TEX10: variants seen among roughly 807,000 people sequenced by gnomAD.
TEX10 encodes the protein testis-expressed protein 10.
A neutral mutation model predicts 104.4 loss-of-function variants in TEX10; 24 were observed. The ratio of observed to expected loss-of-function variants is 0.23; its 90% confidence interval spans 0.17 to 0.32. The LOEUF is 0.32. Among genes scored for constraint, TEX10 ranks in the 10% least tolerant of loss-of-function variants. TEX10 has a pLI of 1.00. For synonymous variants in TEX10, 396 were observed against 393.4 expected, an observed-to-expected ratio of 1.01 and a Z score of -0.08; for missense variants, 921 against 1,083.9, an observed-to-expected ratio of 0.85 and a Z score of 2.11.
chr9:100,346,678 C>T lies in TEX10; in HGVS notation c.893+16G>A. The T allele has an allele frequency of 3.1e-6, 5 of 1,591,432 alleles. No homozygotes were observed. Among genetic ancestry groups the T allele is most frequent in the Non-Finnish European group, 3.4e-6 (4 of 1,169,094 alleles). Reference sequence around the variant, plus strand: ...ATACAGCAAAACTGTGTGGACATAACTGAAATCCTTCTTACCGTAGCCTGA... The same window carrying T: ...ATACAGCAAAACTGTGTGGACATAATTGAAATCCTTCTTACCGTAGCCTGA... On this transcript the variant is annotated intron_variant, in intron 3 of 14. Transcript: ENST00000374902.
chr9:100,315,905 C>T (rs1050099374), intron 11 of TEX10, among the ~76,000 whole-genome samples: 6 of 152,132 alleles, frequency 3.9e-5, no homozygotes, highest in African/African-American at 1.4e-4. Flanking sequence ...ATGTATTCTC[C>T]CGAAGACTGC....
intron 9 of TEX10, among the ~76,000 whole-genome samples, chr9:100,324,039 T>G (rs576593118): frequency 6.6e-6 from 1 of 152,112 alleles, no homozygotes; most frequent in South Asian, 2.1e-4. Context: ...TAACCGTCAG[T>G]CTTTTTTTTT....
chr9:100,326,482 A>AG lies in TEX10; in HGVS notation c.1802-4dup. On this transcript the variant is annotated splice_polypyrimidine_tract_variant and splice_region_variant and intron_variant, in intron 8 of 14. Transcript: ENST00000374902. ...CACCACAGCACCTTCTTGTGGATCT[A>AG]GTGAGGTGGATAGACATATTAAAAA... 2 of 1,612,758 alleles carry AG rather than the reference A, an allele frequency of 1.2e-6. No individual in the cohort carries two copies. The highest frequency in any genetic ancestry group is 2.2e-5 in the South Asian group (2 of 90,958).
chr9:100,304,113 G>A, intron 13 of TEX10: 2 of 484,442 alleles, frequency 4.1e-6, no homozygotes, highest in South Asian at 4.5e-5. Flanking sequence ...ACAGATAAAT[G>A]GAAAAACATT....
intron 5 of TEX10, among the ~76,000 whole-genome samples, chr9:100,336,386 AC>A (rs1835009711): frequency 6.6e-6 from 1 of 152,064 alleles, no homozygotes; most frequent in African/African-American, 2.4e-5. Context: ...TGCTCACATT[AC>A]TGCCTGAGCT....
At chr9:100,333,522 C>T (rs1834925974) in intron 5 of TEX10, among the ~76,000 whole-genome samples, 1 of 151,006 alleles carries the variant, frequency 6.6e-6, no homozygotes, top group South Asian at 2.1e-4. Flanking sequence ...TAAAGCAAAA[C>T]AAGCTGGGCA....
chr9:100,319,150 C>A (rs184504044), intron 11 of TEX10, among the ~76,000 whole-genome samples: 1 of 152,086 alleles, frequency 6.6e-6, no homozygotes, highest in Non-Finnish European at 1.5e-5. Context: ...CGAGACAGCA[C>A]CAATGCACTC....
chr9:100,315,909 A>C (rs1834405643), intron 11 of TEX10, among the ~76,000 whole-genome samples: 1 of 152,230 alleles, frequency 6.6e-6, no homozygotes, highest in African/African-American at 2.4e-5. Flanking sequence ...ATTCTCCCGA[A>C]GACTGCTAGG....
intron 5 of TEX10, among the ~76,000 whole-genome samples, chr9:100,337,280 C>A (rs1422039619): frequency 6.6e-6 from 1 of 152,118 alleles, no homozygotes; most frequent in Non-Finnish European, 1.5e-5. Context: ...ACATAAGAGT[C>A]CAATAAATTT....
intron 2 of TEX10, 81 bp downstream of exon 2, chr9:100,349,103 A>G: frequency 8.1e-7 from 1 of 1,241,018 alleles, no homozygotes; most frequent in Non-Finnish European, 1.1e-6. Context: ...CTAAGAGTTT[A>G]GACAAATTTT....
intron 12 of TEX10, 116 bp from the exon 13 acceptor site, chr9:100,308,797 T>C: frequency 1.1e-6 from 1 of 927,074 alleles, no homozygotes; most frequent in Non-Finnish European, 1.5e-6. Context: ...AAAACCAATA[T>C]ATACCTAACA....
intron 1 of TEX10, chr9:100,352,479 C>T: frequency 6.4e-7 from 1 of 1,551,318 alleles, no homozygotes; most frequent in Non-Finnish European, 8.7e-7. Flanking sequence ...GGACCAGAGT[C>T]GGGGAAGTGG....
Position 100,352,882 on chromosome 9 carries a change from G to A in TEX10, c.-120C>T. 1 of 996,776 alleles carries A rather than the reference G, an allele frequency of 1.0e-6. No individual in the cohort carries two copies. Among genetic ancestry groups the A allele is most frequent in the Non-Finnish European group, 1.2e-6 (1 of 838,264 alleles). 61.7% of individuals were successfully genotyped at this position (996,776 alleles called of 1,614,324 possible). A position where few individuals can be genotyped will look rare whatever the true frequency, so the allele number is the denominator to read the frequency against. ...GACCTCAGGCTCTAGCTCCCGGAGC[G>A]TGTTTTCAAATAGCCTCGTCCTCAC... On this transcript the variant is annotated 5_prime_UTR_variant, in exon 1 of 15. The change creates a new upstream start codon in the 5' untranslated region. Transcript: ENST00000374902.
chr9:100,352,780 C>CCGT lies in TEX10; in HGVS notation c.-19_-18insACG. ...GGGCGACGGCCGCTTACCTGAGGAC[C>CCGT]CGGCCGCGGCCGGGGCGAGAAGCCC... On this transcript the variant is annotated 5_prime_UTR_variant, in exon 1 of 15. Transcript: ENST00000374902. 9.2e-7 allele frequency: 1 copy of CCGT among 1,089,540 alleles called. No homozygotes were observed. The highest frequency in any genetic ancestry group is 1.1e-6 in the Non-Finnish European group (1 of 898,892). 67.5% of individuals were successfully genotyped at this position (1,089,540 alleles called of 1,614,324 possible).
chr9:100,341,262 G>A (rs193019837), intron 4 of TEX10, among the ~76,000 whole-genome samples: 7 of 152,210 alleles, frequency 4.6e-5, no homozygotes, highest in East Asian at 1.9e-4. Context: ...CACTGCACCC[G>A]GCCTTACAGC....
In TEX10 at chr9:100,316,905, A is replaced by AAC. The variant is rs1306986912; in HGVS notation, c.2202+3359_2202+3360insGT. On this transcript the variant is annotated intron_variant, in intron 11 of 14. Coordinates refer to ENST00000374902, the MANE Select transcript of TEX10 (RefSeq NM_017746.4). ...CCACTTATAATAGCTAAAAAAAAAA[A>AAC]AAAAAAAAAAACCTAGGAATATATT... 1.5e-4 allele frequency among the ~76,000 whole-genome samples: 22 copies of AAC among 149,084 alleles called. No individual in the cohort carries two copies. The East Asian group carries it at 2.5e-3, about 17-fold the overall frequency.
intron 3 of TEX10, 42 bp from the exon 4 acceptor site, chr9:100,346,357 T>G (rs756981335): frequency 6.4e-7 from 1 of 1,566,634 alleles, no homozygotes; most frequent in Non-Finnish European, 8.6e-7. Flanking sequence ...GATTAAAAAA[T>G]GTTTATTATC....
intron 4 of TEX10, among the ~76,000 whole-genome samples, chr9:100,341,648 C>T (rs1835177594): frequency 6.6e-6 from 1 of 152,140 alleles, no homozygotes; most frequent in African/African-American, 2.4e-5. Context: ...ACTGCAATAG[C>T]CTCCTAACCA....
intron 5 of TEX10, among the ~76,000 whole-genome samples, chr9:100,332,324 G>GT (rs1162216304): frequency 1.3e-5 from 2 of 152,164 alleles, no homozygotes; most frequent in Non-Finnish European, 2.9e-5. Context: ...AAAATTTACC[G>GT]TAAGTTTATC....
Sources: gnomAD v4.1 joint callset for allele counts (sites outside exome capture counted in the v4.1 genomes callset) on GRCh38, gnomAD v4.1.1 for gene constraint, MANE v1.5 for transcripts, NCBI Gene and HGNC (gene_info 2026-07-23, HGNC 2026-07-21) for gene names.